Variants in BMPR1A observed in about 807,000 individuals in gnomAD.
BMPR1A encodes the protein bone morphogenetic protein receptor type-1A.
BMPR1A carries 7 observed loss-of-function variants against 66.0 expected under a neutral mutation model. That is an observed-to-expected ratio of 0.11 (90% CI 0.06 to 0.20). The LOEUF (loss-of-function observed/expected upper bound fraction) is 0.20. BMPR1A is among the 10% of genes least tolerant of loss of function. BMPR1A has a pLI of 1.00. For synonymous variants in BMPR1A, 200 were observed against 229.7 expected, an observed-to-expected ratio of 0.87 and a Z score of 1.17; for missense variants, 408 against 669.1, an observed-to-expected ratio of 0.61 and a Z score of 4.31.
intron 1 of BMPR1A, among the ~76,000 whole-genome samples, chr10:86,778,754 T>C (rs1841393030): frequency 6.6e-6 from 1 of 152,044 alleles, no homozygotes; most frequent in Non-Finnish European, 1.5e-5. Flanking sequence ...GTCCCTCCCT[T>C]TCCTCTACCC....
chr10:86,788,644 T>C (rs1305082436), intron 1 of BMPR1A, among the ~76,000 whole-genome samples: 1 of 152,216 alleles, frequency 6.6e-6, no homozygotes. Flanking sequence ...TTGGCTCTTG[T>C]CACCCAGGTT....
In BMPR1A at chr10:86,925,488, TAA is replaced by T; in HGVS notation, c.*1770_*1771del. 4.8e-6 allele frequency: 1 copy of T among 208,968 alleles called. No homozygotes were observed. The highest frequency in any genetic ancestry group is 9.7e-6 in the Non-Finnish European group (1 of 102,786). 12.9% of individuals were successfully genotyped at this position (208,968 alleles called of 1,614,324 possible). ...AAATTGCCTTAACCATTTTGATTAA[TAA>T]GTTTCATCTGCCATAATTAAAGTCT... On this transcript the variant is annotated 3_prime_UTR_variant, in exon 13 of 13. Transcript: ENST00000372037.
At chr10:86,862,741 G>T (rs1326899098) in intron 2 of BMPR1A, among the ~76,000 whole-genome samples, 1 of 151,870 alleles carries the variant, frequency 6.6e-6, no homozygotes, top group African/African-American at 2.4e-5. Flanking sequence ...TGTCAAGAAT[G>T]ACTTGAGATT....
chr10:86,760,991 C>T (rs1049608589), intron 1 of BMPR1A, among the ~76,000 whole-genome samples: 19 of 152,128 alleles, frequency 1.2e-4, no homozygotes, highest in African/African-American at 4.1e-4. Flanking sequence ...ACCCCAATTC[C>T]GGAGATGCTA....
At chr10:86,919,050 C>A (rs17107199) in intron 9 of BMPR1A, 122 bp from the exon 10 acceptor site, 4 of 1,039,502 alleles carry the variant, frequency 3.8e-6, no homozygotes, top group Non-Finnish European at 5.9e-6. Context: ...TGGTGTCAGG[C>A]GAATTAAAGT....
At chr10:86,786,329 A>G (rs1032601340) in intron 1 of BMPR1A, among the ~76,000 whole-genome samples, 6 of 151,704 alleles carry the variant, frequency 4.0e-5, no homozygotes, top group Non-Finnish European at 8.8e-5. Flanking sequence ...TTTTTTCCCT[A>G]AAAGAAGTAT....
intron 1 of BMPR1A, among the ~76,000 whole-genome samples, chr10:86,836,896 A>T (rs927153136): frequency 6.6e-6 from 1 of 152,134 alleles, no homozygotes; most frequent in African/African-American, 2.4e-5. Flanking sequence ...TTGTGCCACT[A>T]TACGCCAGCC....
At chr10:86,878,411 A>C (rs1842946478) in intron 3 of BMPR1A, among the ~76,000 whole-genome samples, 1 of 152,232 alleles carries the variant, frequency 6.6e-6, no homozygotes, top group Non-Finnish European at 1.5e-5. Flanking sequence ...CTTGGTCACA[A>C]ATTTTACAAC....
chr10:86,920,126 A>G (rs988807147), intron 10 of BMPR1A, among the ~76,000 whole-genome samples: 4 of 152,206 alleles, frequency 2.6e-5, no homozygotes, highest in Non-Finnish European at 5.9e-5. Flanking sequence ...TCAGTTGATT[A>G]TGAAAAGGTT....
At chr10:86,773,874 CAG>C (rs1841305113) in intron 1 of BMPR1A, among the ~76,000 whole-genome samples, 3 of 141,976 alleles carry the variant, frequency 2.1e-5, no homozygotes, top group Admixed American at 7.2e-5. Flanking sequence ...TTTTTTGAGA[CAG>C]AGTCTTACTC....
At chr10:86,847,649 A>T (rs949357159) in intron 2 of BMPR1A, among the ~76,000 whole-genome samples, 1 of 151,982 alleles carries the variant, frequency 6.6e-6, no homozygotes, top group Non-Finnish European at 1.5e-5. Context: ...CAGGAGTTCG[A>T]GACCCCATCT....
At chr10:86,923,093 T>C (rs1843690798) in intron 11 of BMPR1A, among the ~76,000 whole-genome samples, 1 of 152,282 alleles carries the variant, frequency 6.6e-6, no homozygotes, top group Non-Finnish European at 1.5e-5. Flanking sequence ...TTAGGGTAAA[T>C]GGCTGATTTC....
chr10:86,885,927 C>T (rs1476226190), intron 3 of BMPR1A, among the ~76,000 whole-genome samples: 1 of 152,128 alleles, frequency 6.6e-6, no homozygotes, highest in African/African-American at 2.4e-5. Flanking sequence ...CCAAAAATTG[C>T]TGTTGATGAC....
chr10:86,904,969 A>G (rs1455575606), intron 7 of BMPR1A, among the ~76,000 whole-genome samples: 1 of 152,178 alleles, frequency 6.6e-6, no homozygotes, highest in Non-Finnish European at 1.5e-5. Flanking sequence ...ATATTCATTC[A>G]TATTTAGTTG....
chr10:86,778,927 CT>C (rs34496927), intron 1 of BMPR1A, among the ~76,000 whole-genome samples: 4,181 of 118,450 alleles, frequency 0.035, 74 homozygotes, highest in South Asian at 0.099. Context: ...TATGTATTTT[CT>C]TTTTTTTTTT....
chr10:86,890,050 A>G lies in BMPR1A; in HGVS notation c.68-12A>G, dbSNP rs201120747. On this transcript the variant is annotated splice_polypyrimidine_tract_variant and intron_variant, in intron 3 of 12. Coordinates refer to ENST00000372037, the MANE Select transcript of BMPR1A (RefSeq NM_004329.3). The stretch of plus-strand genomic sequence containing the variant: ...GAAATGATTTACTTACAAATTCCAT[A>G]TTTGAATGCAGGACAGAATCTGGAT... 59 of 1,612,248 alleles carry G rather than the reference A, an allele frequency of 3.7e-5. No individual in the cohort carries two copies. The East Asian group carries it at 1.2e-3, about 34-fold the overall frequency.
chr10:86,809,699 T>TC (rs1171534386), intron 1 of BMPR1A, among the ~76,000 whole-genome samples: 2 of 145,806 alleles, frequency 1.4e-5, no homozygotes, highest in African/African-American at 2.5e-5. Flanking sequence ...CCCCTCAGCC[T>TC]CCCCAAGTAT....
intron 1 of BMPR1A, among the ~76,000 whole-genome samples, chr10:86,763,092 C>T (rs188165473): frequency 2.8e-4 from 42 of 152,058 alleles, no homozygotes; most frequent in African/African-American, 9.4e-4. Context: ...GACGGGGTTT[C>T]GCTGTGTTGG....
intron 1 of BMPR1A, among the ~76,000 whole-genome samples, chr10:86,766,350 A>T (rs1221093575): frequency 6.6e-6 from 1 of 152,088 alleles, no homozygotes; most frequent in Non-Finnish European, 1.5e-5. Context: ...ATTATACCTT[A>T]ATTTTACTTA....
Sources: gnomAD v4.1 joint callset for allele counts (sites outside exome capture counted in the v4.1 genomes callset) on GRCh38, gnomAD v4.1.1 for gene constraint, MANE v1.5 for transcripts, NCBI Gene and HGNC (gene_info 2026-07-23, HGNC 2026-07-21) for gene names.